Variants in SGK1 observed in about 807,000 individuals in gnomAD.
SGK1 encodes serum/glucocorticoid regulated kinase 1.
A neutral mutation model predicts 64.2 loss-of-function variants in SGK1; 26 were observed. That is an observed-to-expected ratio of 0.40 (90% confidence interval 0.30 to 0.56). SGK1 has a LOEUF of 0.56. Among genes scored for constraint, SGK1 ranks in the 20% least tolerant of loss-of-function variants. The pLI is 0.38. For missense variants in SGK1, 519 were observed against 645.6 expected, an observed-to-expected ratio of 0.80 and a Z score of 2.12; for synonymous variants, 265 against 239.7, an observed-to-expected ratio of 1.11 and a Z score of -0.98.
intron 1 of SGK1, among the ~76,000 whole-genome samples, chr6:134,284,198 T>G (rs1442313675): frequency 6.6e-6 from 1 of 152,166 alleles, no homozygotes; most frequent in Non-Finnish European, 1.5e-5. Context: ...GTTCAAGCAA[T>G]TCTCCTGTCT....
In SGK1 at chr6:134,188,943, C is replaced by T. The variant is rs566590676; in HGVS notation, c.362-14357G>A. ...TTTTTTTTTTTTGAGACAGGGATCT[C>T]CTATGTTGCCCAGGCTGGTCTCAAG... is the stretch of plus-strand genomic sequence containing the variant. On this transcript the variant is annotated intron_variant, in intron 3 of 13. Coordinates refer to ENST00000367858, the MANE Select transcript of SGK1 (RefSeq NM_001143676.3). 4.4e-5 allele frequency among the ~76,000 whole-genome samples: 6 copies of T among 136,058 alleles called. No individual in the cohort carries two copies. In the East Asian group the frequency reaches 1.3e-3, roughly 29 times the overall value. 89.3% of individuals were successfully genotyped at this position (136,058 alleles called of 152,430 possible).
chr6:134,310,937 A>G (rs1228993691), intron 1 of SGK1, among the ~76,000 whole-genome samples: 2 of 152,216 alleles, frequency 1.3e-5, no homozygotes, highest in Non-Finnish European at 2.9e-5. Flanking sequence ...AAATAAAAGG[A>G]GATTAGTGAA....
At chr6:134,289,094 G>A (rs1214985913) in intron 1 of SGK1, among the ~76,000 whole-genome samples, 1 of 152,174 alleles carries the variant, frequency 6.6e-6, no homozygotes, top group South Asian at 2.1e-4. Flanking sequence ...TTTGGAAATA[G>A]AGAAACCTGT....
intron 2 of SGK1, among the ~76,000 whole-genome samples, chr6:134,238,584 T>C (rs1776397754): frequency 1.0e-4 from 1 of 9,758 alleles, no homozygotes; most frequent in East Asian, 2.8e-3. Flanking sequence ...AAGTCAGTGT[T>C]TTTTTTTTTA....
chr6:134,205,957 C>T (rs181748221), intron 3 of SGK1, among the ~76,000 whole-genome samples: 6 of 152,206 alleles, frequency 3.9e-5, no homozygotes, highest in East Asian at 3.9e-4. Context: ...TTAGGCCTCA[C>T]GGCTCATGTG....
intron 1 of SGK1, among the ~76,000 whole-genome samples, chr6:134,304,777 A>C (rs1777510840): frequency 6.6e-6 from 1 of 152,174 alleles, no homozygotes. Context: ...ACAATGAAAA[A>C]CACATAAGAG....
At chr6:134,213,904 A>T (rs1407826794) in intron 2 of SGK1, among the ~76,000 whole-genome samples, 2 of 152,204 alleles carry the variant, frequency 1.3e-5, no homozygotes, top group Non-Finnish European at 2.9e-5. Context: ...ATATTTTATT[A>T]TAGAAAGCTT....
At chr6:134,173,201 C>T in intron 7 of SGK1, 47 bp from the exon 8 acceptor site, 2 of 1,610,058 alleles carry the variant, frequency 1.2e-6, no homozygotes, top group Non-Finnish European at 1.7e-6. Context: ...CAACTTGGCA[C>T]CAACATTCCA....
chr6:134,246,856 G>A (rs1053201684), intron 2 of SGK1, among the ~76,000 whole-genome samples: 2 of 152,160 alleles, frequency 1.3e-5, no homozygotes, highest in African/African-American at 4.8e-5. Context: ...AACTCCCTAA[G>A]TGCTGGGAGC....
At chr6:134,178,940 A>C (rs1038009273) in intron 3 of SGK1, among the ~76,000 whole-genome samples, 2 of 152,192 alleles carry the variant, frequency 1.3e-5, no homozygotes, top group Admixed American at 1.3e-4. Flanking sequence ...TTCCCAGTGC[A>C]TGTGCATTTT....
At chr6:134,225,927 A>C (rs891292753) in intron 2 of SGK1, among the ~76,000 whole-genome samples, 1 of 147,304 alleles carries the variant, frequency 6.8e-6, no homozygotes, top group Admixed American at 7.2e-5. Context: ...ACAAAAACAA[A>C]AAAAACAAAA....
Position 134,211,023 on chromosome 6 carries a change from C to T in SGK1, c.286-3592G>A, listed in dbSNP as rs188653557. On this transcript the variant is annotated intron_variant, in intron 2 of 13. Transcript: ENST00000367858. ...GCCTGTAATCCCAGCTACTCAGGAG[C>T]CTGAGGCAGGAGAATCGCTTGAACC... Among the ~76,000 whole-genome samples the T allele has an allele frequency of 8.0e-4, 121 of 150,458 alleles. No homozygotes were observed. In the East Asian group the frequency reaches 0.015, roughly 19 times the overall value.
At chr6:134,279,535 T>C (rs1777063973) in intron 1 of SGK1, among the ~76,000 whole-genome samples, 1 of 152,120 alleles carries the variant, frequency 6.6e-6, no homozygotes, top group African/African-American at 2.4e-5. Context: ...CCTACAGATA[T>C]GCTGTATTCT....
At chr6:134,225,547 G>A (rs1009840) in intron 2 of SGK1, among the ~76,000 whole-genome samples, 82,392 of 151,712 alleles carry the variant, frequency 0.54, 26,502 homozygotes, top group South Asian at 0.81. Flanking sequence ...GGAATATCAA[G>A]CATTTCAATT....
chr6:134,272,258 A>T (rs1776950401), intron 1 of SGK1, among the ~76,000 whole-genome samples: 1 of 143,120 alleles, frequency 7.0e-6, no homozygotes, highest in Non-Finnish European at 1.5e-5. Flanking sequence ...CTCCTGCCTC[A>T]GTCTCCTGAG....
chr6:134,173,139 A>C lies in SGK1; in HGVS notation c.718T>G (p.Ser240Ala). ...LKKKEEKHIM[S>A]ERNVLLKNVK... ...TTCTTCAACAGAACATTCCGCTCCGACATAATATGCTTCTCCTAGGAAAAT... is the reference window on the plus strand; with the variant it reads ...TTCTTCAACAGAACATTCCGCTCCGCCATAATATGCTTCTCCTAGGAAAAT... The change falls in exon 8 of 14, where the codon TCG becomes GCG. Residue 240 changes from serine (S) to alanine (A), a missense_variant. Transcript: ENST00000367858. The C allele has an allele frequency of 6.2e-7, 1 of 1,613,370 alleles. No homozygotes were observed. The highest frequency in any genetic ancestry group is 8.5e-7 in the Non-Finnish European group (1 of 1,179,438).
intron 1 of SGK1, among the ~76,000 whole-genome samples, chr6:134,287,054 C>A (rs1777195781): frequency 6.6e-6 from 1 of 151,956 alleles, no homozygotes. Flanking sequence ...TCACTGCTAC[C>A]CCCACCTTCT....
At chr6:134,253,253 C>T (rs1014391395) in intron 2 of SGK1, among the ~76,000 whole-genome samples, 2 of 151,964 alleles carry the variant, frequency 1.3e-5, no homozygotes, top group Middle Eastern at 6.8e-3. Context: ...TAGGCTGAAG[C>T]AGAGCATCAC....
At chr6:134,313,150 A>G (rs1369969145) in intron 1 of SGK1, among the ~76,000 whole-genome samples, 2 of 152,272 alleles carry the variant, frequency 1.3e-5, no homozygotes, top group Non-Finnish European at 2.9e-5. Flanking sequence ...CATTTAAGTC[A>G]TAGTTATTAG....
Sources: allele counts gnomAD v4.1 joint callset (sites outside exome capture counted in the v4.1 genomes callset), GRCh38; gene constraint gnomAD v4.1.1; transcripts MANE v1.5; gene names NCBI Gene and HGNC (gene_info 2026-07-23, HGNC 2026-07-21).